C9orf85: variants seen among roughly 807,000 people sequenced by gnomAD.
C9orf85 encodes the protein chromosome 9 open reading frame 85, also known as uncharacterized protein C9orf85.
In C9orf85, 16 loss-of-function variants were observed where a neutral mutation model predicts 14.9. The observed-to-expected ratio is 1.08, with a 90% CI of 0.73 to 1.63. C9orf85 has a LOEUF of 1.63. C9orf85 is among the 40% of genes most tolerant of loss of function. C9orf85 has a pLI of 0.00. For missense variants in C9orf85, 172 were observed against 186.1 expected (o/e 0.92, Z 0.44); for synonymous variants, 45 against 56.8 (o/e 0.79, Z 0.93).
At chr9:71,940,547 C>T (rs1821896116) in intron 1 of C9orf85, among the ~76,000 whole-genome samples, 1 of 152,168 alleles carries the variant, frequency 6.6e-6, no homozygotes, top group Non-Finnish European at 1.5e-5. Flanking sequence ...AATAATACTA[C>T]ATACCTATTT....
rs1388390508 is a variant in C9orf85, at chr9:71,945,619, GAATA to G, written c.103-1383_103-1380del. Among the ~76,000 whole-genome samples the G allele has an allele frequency of 6.6e-5, 10 of 152,226 alleles. No individual in the cohort carries two copies. In the East Asian group the frequency reaches 1.9e-3, roughly 29 times the overall value. ...AATATTTCTAAAATATTTTCTCATT[GAATA>G]AATGTTTTATCAAATATTTTATCTT... On this transcript the variant is annotated intron_variant, in intron 1 of 3. Transcript: ENST00000334731.
At chr9:71,979,455 C>T (rs918790611) in intron 3 of C9orf85, among the ~76,000 whole-genome samples, 8 of 151,822 alleles carry the variant, frequency 5.3e-5, no homozygotes, top group Admixed American at 3.3e-4. Context: ...GTTTTGTGGG[C>T]GTAGGAAGCA....
At chr9:71,975,919 A>G (rs2132371651), downstream of C9orf85, among the ~76,000 whole-genome samples, 1 of 152,324 alleles carries the variant, frequency 6.6e-6, no homozygotes, top group South Asian at 2.1e-4. Flanking sequence ...AACTTTTGTG[A>G]TTAAGGAGCC....
At chr9:71,954,536 T>C (rs1822335197) in intron 2 of C9orf85, among the ~76,000 whole-genome samples, 1 of 152,176 alleles carries the variant, frequency 6.6e-6, no homozygotes, top group Non-Finnish European at 1.5e-5. Context: ...GATGATATGC[T>C]AAACAAGGGG....
chr9:71,916,651 G>A (rs1827659612), intron 1 of C9orf85, among the ~76,000 whole-genome samples: 1 of 152,100 alleles, frequency 6.6e-6, no homozygotes, highest in Non-Finnish European at 1.5e-5. Flanking sequence ...TGGAAATATA[G>A]TTTTATTAAT....
intron 1 of C9orf85, among the ~76,000 whole-genome samples, chr9:71,912,284 CT>C (rs1827524018): frequency 2.0e-5 from 3 of 152,138 alleles, no homozygotes; most frequent in Non-Finnish European, 4.4e-5. Context: ...GCTGTCCTCA[CT>C]AGTATTGTGT....
chr9:71,914,902 G>A (rs545857476), intron 1 of C9orf85, among the ~76,000 whole-genome samples: 16 of 152,284 alleles, frequency 1.1e-4, no homozygotes, highest in Non-Finnish European at 1.9e-4. Context: ...GGTCGGCAGT[G>A]GGAATAGGTT....
rs1296460828 is a variant in C9orf85 at position 71,973,291 on chromosome 9, T to A, written c.*449T>A. The A allele has an allele frequency of 6.6e-6, 1 of 152,178 alleles. No individual in the cohort carries two copies. The highest frequency in any genetic ancestry group is 1.5e-5 in the Non-Finnish European group (1 of 68,062). 9.4% of individuals were successfully genotyped at this position (152,178 alleles called of 1,614,324 possible). A position where few individuals can be genotyped will look rare whatever the true frequency, so the allele number is the denominator to read the frequency against. On this transcript the variant is annotated 3_prime_UTR_variant, in exon 4 of 4. Coordinates refer to ENST00000334731, the MANE Select transcript of C9orf85 (RefSeq NM_182505.5). ...AGACAAATTTCATACATGAACAATA[T>A]AAATTGTGTATATTACTTAACATCA...
intron 2 of C9orf85, among the ~76,000 whole-genome samples, chr9:71,958,166 A>G (rs537189849): frequency 6.6e-6 from 1 of 150,902 alleles, no homozygotes; most frequent in South Asian, 2.1e-4. Flanking sequence ...TGGAAAGGAA[A>G]AGATCCCAAG....
chr9:71,924,288 T>C (rs963911010), intron 1 of C9orf85, among the ~76,000 whole-genome samples: 1 of 152,254 alleles, frequency 6.6e-6, no homozygotes, highest in Non-Finnish European at 1.5e-5. Flanking sequence ...ATGACATTTT[T>C]AGAACTTTAT....
chr9:71,951,134 A>G (rs1284045221), intron 2 of C9orf85, among the ~76,000 whole-genome samples: 2 of 152,218 alleles, frequency 1.3e-5, no homozygotes, highest in Non-Finnish European at 2.9e-5. Context: ...GACATGCTGC[A>G]GTATTTTTAT....
chr9:71,924,463 C>A (rs1827886463), intron 1 of C9orf85, among the ~76,000 whole-genome samples: 1 of 152,096 alleles, frequency 6.6e-6, no homozygotes. Context: ...AGAAGTATTT[C>A]TTCTTGTAGT....
At chr9:71,966,614 G>T (rs1822699066) in intron 2 of C9orf85, among the ~76,000 whole-genome samples, 1 of 152,090 alleles carries the variant, frequency 6.6e-6, no homozygotes, top group East Asian at 1.9e-4. Flanking sequence ...GTGCACAGGA[G>T]TCATGACTAT....
At chr9:71,917,706 A>G (rs1827685848) in intron 1 of C9orf85, among the ~76,000 whole-genome samples, 1 of 152,242 alleles carries the variant, frequency 6.6e-6, no homozygotes, top group African/African-American at 2.4e-5. Flanking sequence ...GATACAAAAG[A>G]GCATACTATG....
chr9:71,938,018 A>G (rs925969364), intron 1 of C9orf85, among the ~76,000 whole-genome samples: 1 of 152,136 alleles, frequency 6.6e-6, no homozygotes, highest in Non-Finnish European at 1.5e-5. Context: ...ACTCATTTCA[A>G]AAGTATTTCT....
At chr9:71,947,134 C>T (rs35141787) in intron 2 of C9orf85, 22 bp downstream of exon 2, 170,062 of 1,463,628 alleles carry the variant, frequency 0.12, 10,713 homozygotes, top group Non-Finnish European at 0.12. Flanking sequence ...TTCTTCATTA[C>T]CTTACTTGGT....
chr9:71,954,158 G>A (rs1822319679), intron 2 of C9orf85, among the ~76,000 whole-genome samples: 1 of 151,642 alleles, frequency 6.6e-6, no homozygotes, highest in South Asian at 2.1e-4. Flanking sequence ...TGAGTCAAGG[G>A]CTCCAGTGGT....
chr9:71,974,188 C>A (rs1822960582), downstream of C9orf85, among the ~76,000 whole-genome samples: 1 of 150,998 alleles, frequency 6.6e-6, no homozygotes, highest in South Asian at 2.1e-4. Context: ...CGGCCTCCCA[C>A]AGTGCTGGGA....
chr9:71,938,978 G>GA (rs1412904326), intron 1 of C9orf85, among the ~76,000 whole-genome samples: 1 of 151,640 alleles, frequency 6.6e-6, no homozygotes, highest in Non-Finnish European at 1.5e-5. Flanking sequence ...AACATATGTG[G>GA]AAAAAATGTG....
Sources: gnomAD v4.1 joint callset for allele counts (sites outside exome capture counted in the v4.1 genomes callset) on GRCh38, gnomAD v4.1.1 for gene constraint, MANE v1.5 for transcripts, NCBI Gene and HGNC (gene_info 2026-07-23, HGNC 2026-07-21) for gene names.